The following IBTK variants were observed in gnomAD, a reference collection of about 807,000 sequenced individuals.
IBTK encodes inhibitor of Bruton tyrosine kinase.
In IBTK, 83 loss-of-function variants were observed where a neutral mutation model predicts 154.9. That is an observed-to-expected ratio of 0.54 (90% CI 0.45 to 0.64). IBTK has a LOEUF of 0.64. Ranked by LOEUF, IBTK falls within the 30% of genes least tolerant of loss-of-function variation. The probability of loss-of-function intolerance (pLI) is 0.00; values close to 1 mark genes in which losing one functional copy is unlikely to be tolerated. For missense variants in IBTK, 1,332 were observed against 1,584.6 expected (o/e 0.84, Z 2.71); for synonymous variants, 515 against 536.1 (o/e 0.96, Z 0.54).
chr6:82,230,855 A>G (rs1411240039), intron 4 of IBTK, among the ~76,000 whole-genome samples: 2 of 152,198 alleles, frequency 1.3e-5, no homozygotes, highest in Admixed American at 6.5e-5. Context: ...TTGTAAGGAT[A>G]TAAGACCACA....
chr6:82,215,160 C>G (rs1228368099), intron 11 of IBTK, among the ~76,000 whole-genome samples: 1 of 152,116 alleles, frequency 6.6e-6, no homozygotes, highest in Non-Finnish European at 1.5e-5. Flanking sequence ...GTAGGAAGAC[C>G]AACCCTCCTG....
chr6:82,236,770 G>A (rs1490648073), intron 2 of IBTK, among the ~76,000 whole-genome samples: 1 of 152,204 alleles, frequency 6.6e-6, no homozygotes, highest in Non-Finnish European at 1.5e-5. Context: ...TGACATCAGA[G>A]ACGGAACTGA....
chr6:82,225,534 G>A lies in IBTK; in HGVS notation c.768C>T (p.Asn256=). The change falls in exon 6 of 29, where the codon AAC becomes AAT. Residue 256 remains asparagine (N), a synonymous_variant. Coordinates refer to ENST00000306270, the MANE Select transcript of IBTK (RefSeq NM_015525.4). ...EDGCVYTFGL[N]IFHQLGIIPP... ...GAATAATTCCTAATTGATGAAAAAT[G>A]TTTAGACCAAATGTATAAACACATC... The A allele has an allele frequency of 5.0e-6, 8 of 1,613,266 alleles. No individual in the cohort carries two copies. Among genetic ancestry groups the A allele is most frequent in the Non-Finnish European group, 5.9e-6 (7 of 1,179,550 alleles).
chr6:82,206,040 C>T (rs940877490), intron 16 of IBTK: 2 of 152,166 alleles, frequency 1.3e-5, no homozygotes, highest in African/African-American at 4.8e-5. Context: ...TCATAATCAA[C>T]TTTTCCAGAA....
rs775348380 is a variant in IBTK, at chr6:82,231,796, C to A, written c.465G>T (p.Leu155=). Residue 155 remains leucine (L), a synonymous_variant, in exon 4 of 29, where the codon CTG becomes CTT. Transcript: ENST00000306270. ...YTWGDNTNFT[L]GHGSQNSKHH... ...GTTTGCTATTCTGGCTTCCATGACC[C>A]AGGGTAAAATTTGTATTATCGCCCC... The A allele has an allele frequency of 8.4e-5, 135 of 1,605,482 alleles. No homozygotes were observed. Among genetic ancestry groups the A allele is most frequent in the Non-Finnish European group, 1.1e-4 (134 of 1,174,080 alleles).
At chr6:82,236,102 G>C (rs989434351) in intron 2 of IBTK, among the ~76,000 whole-genome samples, 1 of 152,174 alleles carries the variant, frequency 6.6e-6, no homozygotes, top group Non-Finnish European at 1.5e-5. Context: ...TCGAACTCCT[G>C]ACCTCAGGTG....
chr6:82,183,667 A>G (rs1249380959), intron 25 of IBTK, among the ~76,000 whole-genome samples: 6 of 152,218 alleles, frequency 3.9e-5, no homozygotes, highest in Admixed American at 3.9e-4. Context: ...TAGCCAAAGC[A>G]TTCTTTTAAA....
chr6:82,191,335 GTAA>G lies in IBTK; in HGVS notation c.3432-122_3432-120del, dbSNP rs1230583301. ...AATTTCTGCTTAATAAAGGTTACTG[GTAA>G]TAATAATGTTTTCTATTTATTTCAT... On this transcript the variant is annotated intron_variant, in intron 24 of 28. Coordinates refer to ENST00000306270, the MANE Select transcript of IBTK (RefSeq NM_015525.4). 4.0e-5 allele frequency: 30 copies of G among 757,816 alleles called. No individual in the cohort carries two copies. The South Asian group carries it at 4.4e-4, about 11-fold the overall frequency. 46.9% of individuals were successfully genotyped at this position (757,816 alleles called of 1,614,324 possible). A position where few individuals can be genotyped will look rare whatever the true frequency, so the allele number is the denominator to read the frequency against.
At chr6:82,239,666 G>A (rs72902405) in intron 2 of IBTK, among the ~76,000 whole-genome samples, 218 of 86,102 alleles carry the variant, frequency 2.5e-3, no homozygotes, top group African/African-American at 8.3e-3. Context: ...CCTCTAACTA[G>A]GGTCTTTCCA....
intron 22 of IBTK, among the ~76,000 whole-genome samples, chr6:82,195,715 T>A (rs1171595855): frequency 6.6e-6 from 1 of 152,206 alleles, no homozygotes; most frequent in Non-Finnish European, 1.5e-5. Flanking sequence ...AGTGACTCTA[T>A]CTCTATTCAG....
At chr6:82,180,707 C>T (rs1159045391) in intron 26 of IBTK, among the ~76,000 whole-genome samples, 1 of 152,150 alleles carries the variant, frequency 6.6e-6, no homozygotes. Context: ...AAAAAGAAGA[C>T]AGTCACAATA....
intron 1 of IBTK, 116 bp downstream of exon 1, chr6:82,247,446 C>T: frequency 2.5e-6 from 1 of 396,184 alleles, no homozygotes; most frequent in East Asian, 3.6e-5. Flanking sequence ...CCCACGGTCC[C>T]CCCGCGCCGC....
chr6:82,173,287 C>A, intron 27 of IBTK, 80 bp downstream of exon 27: 5 of 990,668 alleles, frequency 5.0e-6, no homozygotes, highest in Non-Finnish European at 6.4e-6. Flanking sequence ...TAGGCATGAG[C>A]CACTGCACTC....
chr6:82,201,721 CT>C (rs1018921315), intron 18 of IBTK, among the ~76,000 whole-genome samples: 37 of 146,676 alleles, frequency 2.5e-4, no homozygotes, highest in South Asian at 6.5e-4. Flanking sequence ...TCAAGCAACT[CT>C]TTTTTTTTTT....
At chr6:82,205,088 T>TA (rs1769350978) in intron 16 of IBTK, 130 bp from the exon 17 acceptor site, 1 of 443,406 alleles carries the variant, frequency 2.3e-6, no homozygotes, top group African/African-American at 2.0e-5. Flanking sequence ...ATTAGTACAC[T>TA]AGAAAAGAGA....
chr6:82,183,667 A>T (rs1249380959), intron 25 of IBTK, among the ~76,000 whole-genome samples: 1 of 152,218 alleles, frequency 6.6e-6, no homozygotes, highest in Non-Finnish European at 1.5e-5. Context: ...TAGCCAAAGC[A>T]TTCTTTTAAA....
At chr6:82,187,017 G>A (rs1396549616) in intron 25 of IBTK, among the ~76,000 whole-genome samples, 1 of 147,710 alleles carries the variant, frequency 6.8e-6, no homozygotes, top group Non-Finnish European at 1.5e-5. Context: ...CCAGGTTCAA[G>A]TGATTCTCCT....
intron 1 of IBTK, among the ~76,000 whole-genome samples, chr6:82,241,423 T>C (rs1002869956): frequency 2.6e-5 from 4 of 152,200 alleles, no homozygotes; most frequent in African/African-American, 7.2e-5. Flanking sequence ...GTGTTAATAT[T>C]GTTACCTCTG....
intron 17 of IBTK, among the ~76,000 whole-genome samples, chr6:82,204,254 G>T (rs6454258): frequency 0.24 from 36,229 of 151,922 alleles, 4,380 homozygotes; most frequent in African/African-American, 0.28. Flanking sequence ...CAAAGGTAGG[G>T]GAAATGTGAC....
Sources: allele counts gnomAD v4.1 joint callset (sites outside exome capture counted in the v4.1 genomes callset), GRCh38; gene constraint gnomAD v4.1.1; transcripts MANE v1.5; gene names NCBI Gene and HGNC (gene_info 2026-07-23, HGNC 2026-07-21).